DDIT4L: variants seen among roughly 807,000 people sequenced by gnomAD.
DDIT4L encodes the protein DNA damage-inducible transcript 4-like protein.
Under a neutral mutation model 15.9 loss-of-function variants are expected in DDIT4L, and 13 were observed. The ratio of observed to expected loss-of-function variants is 0.82; its 90% CI spans 0.53 to 1.30. DDIT4L has a LOEUF of 1.30. Ranked by LOEUF, DDIT4L falls within the 50% of genes most tolerant of loss-of-function variation. The probability of loss-of-function intolerance (pLI) is 0.00; values close to 1 mark genes in which losing one functional copy is unlikely to be tolerated. For synonymous variants in DDIT4L, 82 were observed against 85.4 expected, an observed-to-expected ratio of 0.96 and a Z score of 0.22; for missense variants, 235 against 224.8, an observed-to-expected ratio of 1.05 and a Z score of -0.29.
intron 2 of DDIT4L, 24 bp downstream of exon 2, chr4:100,189,869 A>C (rs369446753): frequency 4.7e-5 from 75 of 1,610,602 alleles, no homozygotes; most frequent in Non-Finnish European, 6.0e-5. Flanking sequence ...GGAGGGGAGA[A>C]GGGTGGACAG....
In DDIT4L at chr4:100,188,665, TAAAG is replaced by T. The variant is rs768926921; in HGVS notation, c.92-502_92-499del. 4.5e-4 allele frequency among the ~76,000 whole-genome samples: 69 copies of T among 152,204 alleles called. 1 individual carries two copies. The highest frequency in any genetic ancestry group is 7.4e-4 in the Non-Finnish European group (50 of 68,026). On this transcript the variant is annotated intron_variant, in intron 2 of 2. Transcript: ENST00000273990. ...CTGTAGGAATACATGTATTGTAAAA[TAAAG>T]AATTTTTACTATTATGTTTGAAGAG...
chr4:100,187,898 G>T lies in DDIT4L; in HGVS notation c.361C>A (p.Leu121Met). The T allele has an allele frequency of 2.5e-6, 4 of 1,613,988 alleles. No individual in the cohort carries two copies. The highest frequency in any genetic ancestry group is 3.4e-6 in the Non-Finnish European group (4 of 1,180,014). Reference sequence around the variant, plus strand: ...CTAGAATCACACACAATCCTATCCAGCTTTTTACATACATTTTCAATTTCC... The same window carrying T: ...CTAGAATCACACACAATCCTATCCATCTTTTTACATACATTTTCAATTTCC... ...NLEIENVCKKLDRIVCDSSVV... is the reference protein window; with the variant it reads ...NLEIENVCKKMDRIVCDSSVV... Residue 121 changes from leucine (L) to methionine (M), a missense_variant, in exon 3 of 3, where the codon CTG becomes ATG. By Grantham distance (15) the Leu-to-Met change is conservative. Transcript: ENST00000273990.
chr4:100,186,458 A>G lies in DDIT4L; in HGVS notation c.*1219T>C, dbSNP rs1458040326. 2.0e-5 allele frequency: 3 copies of G among 152,180 alleles called. No individual in the cohort carries two copies. The highest frequency in any genetic ancestry group is 4.4e-5 in the Non-Finnish European group (3 of 68,032). The allele number at this position is 152,180 out of a possible 1,614,324, so 9.4% of individuals were successfully genotyped here. A position where few individuals can be genotyped will look rare whatever the true frequency, so the allele number is the denominator to read the frequency against. ...GGAGGCTAAATTCTCTCATTAACAT[A>G]AAAAAGGAAAGAGATAATGATCTAC... On this transcript the variant is annotated 3_prime_UTR_variant, in exon 3 of 3. Coordinates refer to ENST00000273990, the MANE Select transcript of DDIT4L (RefSeq NM_145244.4).
At position 100,187,969 on chromosome 4, in the gene DDIT4L, G is replaced by A. The variant is rs1578321945; in HGVS notation, c.290C>T (p.Ser97Leu). 1 of 1,614,102 alleles carries A rather than the reference G, an allele frequency of 6.2e-7. No individual in the cohort carries two copies. The highest frequency in any genetic ancestry group is 8.5e-7 in the Non-Finnish European group (1 of 1,180,020). ...RIAQDVLRLS[S>L]TEPCGLRGCV... Reference sequence around the variant, plus strand: ...ACCTCGCAAGCCGCAGGGCTCCGTTGAGGAAAGCCGCAGGACATCTTGAGC... The same window carrying A: ...ACCTCGCAAGCCGCAGGGCTCCGTTAAGGAAAGCCGCAGGACATCTTGAGC... The change falls in exon 3 of 3, where the codon TCA (serine) becomes TTA (leucine). Residue 97 changes from serine to leucine, a missense_variant. Transcript: ENST00000273990.
At chr4:100,189,792 C>T (rs879013226) in intron 2 of DDIT4L, 101 bp downstream of exon 2, 1 of 1,076,570 alleles carries the variant, frequency 9.3e-7, no homozygotes, top group South Asian at 1.4e-5. Context: ...TGTGGCACCT[C>T]CTACATAGAG....
intron 2 of DDIT4L, among the ~76,000 whole-genome samples, chr4:100,189,505 G>A (rs1374707190): frequency 2.0e-5 from 3 of 152,200 alleles, no homozygotes; most frequent in African/African-American, 4.8e-5. Context: ...CAGATCAGTA[G>A]TTCCCTGGAG....
chr4:100,188,975 T>C (rs1723468466), intron 2 of DDIT4L, among the ~76,000 whole-genome samples: 1 of 152,242 alleles, frequency 6.6e-6, no homozygotes, highest in South Asian at 2.1e-4. Context: ...TCCTACCCCT[T>C]GGCAGGATGC....
intron 2 of DDIT4L, among the ~76,000 whole-genome samples, chr4:100,188,539 TTATGGGGG>T (rs1723462203): frequency 6.6e-6 from 1 of 152,228 alleles, no homozygotes; most frequent in South Asian, 2.1e-4. Flanking sequence ...TCCTACTTGC[TTATGGGGG>T]TTTTCTAATT....
Position 100,190,430 on chromosome 4 carries a change from C to G in DDIT4L, c.-177G>C, listed in dbSNP as rs1305781313. ...CCAGCAGCCAGCGGCACCCTGCTCACCCCTCCCGGGCCACCCTGCGCCGGC... is the reference window on the plus strand; with the variant it reads ...CCAGCAGCCAGCGGCACCCTGCTCAGCCCTCCCGGGCCACCCTGCGCCGGC... On this transcript the variant is annotated 5_prime_UTR_variant, in exon 1 of 3. Coordinates refer to ENST00000273990, the MANE Select transcript of DDIT4L (RefSeq NM_145244.4). 1 of 176,052 alleles carries G rather than the reference C, an allele frequency of 5.7e-6. No individual in the cohort carries two copies. Among genetic ancestry groups the G allele is most frequent in the East Asian group, 1.8e-4 (1 of 5,570 alleles). The allele number at this position is 176,052 out of a possible 1,614,324, so 10.9% of individuals were successfully genotyped here.
Position 100,187,646 on chromosome 4 carries a change from T to A in DDIT4L, c.*31A>T. On this transcript the variant is annotated 3_prime_UTR_variant, in exon 3 of 3. Transcript: ENST00000273990. ...CTAGCTGAATAGTTTTACTACCCAA[T>A]CATGAAATAATCTTTATATATTTTC... 4 of 1,563,962 alleles carry A rather than the reference T, an allele frequency of 2.6e-6. No homozygotes were observed. Among genetic ancestry groups the A allele is most frequent in the Non-Finnish European group, 3.4e-6 (4 of 1,165,668 alleles).
Position 100,187,044 on chromosome 4 carries a change from T to C in DDIT4L, c.*633A>G, listed in dbSNP as rs1369131417. 6.6e-6 allele frequency: 1 copy of C among 152,240 alleles called. No homozygotes were observed. The highest frequency in any genetic ancestry group is 1.5e-5 in the Non-Finnish European group (1 of 68,046). 9.4% of individuals were successfully genotyped at this position (152,240 alleles called of 1,614,324 possible). On this transcript the variant is annotated 3_prime_UTR_variant, in exon 3 of 3. Coordinates refer to ENST00000273990, the MANE Select transcript of DDIT4L (RefSeq NM_145244.4). ...ACTGAAATGGCACCACAAGCTTTTG[T>C]TGCCTCTTTAAAACATTAGAGTGAG...
chr4:100,190,225 C>A, intron 1 of DDIT4L, 78 bp downstream of exon 1: 2 of 511,078 alleles, frequency 3.9e-6, no homozygotes, highest in Non-Finnish European at 6.9e-6. Flanking sequence ...CTCAACAGTT[C>A]GCAAAACTTG....
chr4:100,190,039 A>C lies in DDIT4L; in HGVS notation c.-49-7T>G, dbSNP rs534989308. The stretch of plus-strand genomic sequence containing the variant: ...CAACGGCCTTTCCTGAGCGCTGGAA[A>C]AAATGAGGCGAGAAGAGACGGATTT... On this transcript the variant is annotated splice_polypyrimidine_tract_variant and splice_region_variant and intron_variant, in intron 1 of 2. Coordinates refer to ENST00000273990, the MANE Select transcript of DDIT4L (RefSeq NM_145244.4). 1 of 1,546,560 alleles carries C rather than the reference A, an allele frequency of 6.5e-7. No homozygotes were observed. Among genetic ancestry groups the C allele is most frequent in the African/African-American group, 1.4e-5 (1 of 73,428 alleles).
rs1480341679 is a variant in DDIT4L at position 100,187,945 on chromosome 4, C to T, written c.314G>A (p.Gly105Asp). 2 of 1,614,036 alleles carry T rather than the reference C, an allele frequency of 1.2e-6. No homozygotes were observed. Among genetic ancestry groups the T allele is most frequent in the South Asian group, 1.1e-5 (1 of 91,078 alleles). Residue 105 changes from glycine to aspartate, a missense_variant, in exon 3 of 3, where the codon GGT (glycine) becomes GAT (aspartate). Physicochemically the swap from Gly to Asp is moderately conservative, Grantham distance 94. Transcript: ENST00000273990. ...LSSTEPCGLR[G>D]CVMHVNLEIE... ...TTCCAAGTTCACGTGCATAACACAA[C>T]CTCGCAAGCCGCAGGGCTCCGTTGA...
At position 100,190,006 on chromosome 4, in the gene DDIT4L, G is replaced by T; in HGVS notation, c.-23C>A. The T allele has an allele frequency of 2.5e-6, 4 of 1,610,942 alleles. No homozygotes were observed. The highest frequency in any genetic ancestry group is 3.4e-6 in the Non-Finnish European group (4 of 1,177,388). On this transcript the variant is annotated 5_prime_UTR_variant, in exon 2 of 3. Coordinates refer to ENST00000273990, the MANE Select transcript of DDIT4L (RefSeq NM_145244.4). ...CATGGTCAACGGCTCTGTTTCCTTC[G>T]CGAGGCGCAACGGCCTTTCCTGAGC...
intron 1 of DDIT4L, 59 bp downstream of exon 1, chr4:100,190,244 C>T (rs3749602): frequency 0.021 from 9,894 of 477,004 alleles, 377 homozygotes; most frequent in East Asian, 0.15. Flanking sequence ...TGGAAGCGAC[C>T]TGCCCCGCGG....
Position 100,187,691 on chromosome 4 carries a change from T to C in DDIT4L, c.568A>G (p.Ile190Val). 6.3e-7 allele frequency: 1 copy of C among 1,589,630 alleles called. No homozygotes were observed. Among genetic ancestry groups the C allele is most frequent in the South Asian group, 1.2e-5 (1 of 85,294 alleles). Residue 190 changes from isoleucine (I) to valine (V), a missense_variant, in exon 3 of 3, where the codon ATT becomes GTT. Transcript: ENST00000273990. ...ATTTTCCCTTTTTAGGACCCTTCAA[T>C]CACTGTTGTTCCAATCAGTGAGTAA... ...KLYSLIGTTV[I>V]EGS
chr4:100,189,843 A>T, intron 2 of DDIT4L, 50 bp downstream of exon 2: 1 of 1,578,840 alleles, frequency 6.3e-7, no homozygotes, highest in East Asian at 2.3e-5. Flanking sequence ...CAATAGATCC[A>T]GAGGCACCGA....
At position 100,187,793 on chromosome 4, in the gene DDIT4L, T is replaced by C; in HGVS notation, c.466A>G (p.Ser156Gly). 6.2e-7 allele frequency: 1 copy of C among 1,613,362 alleles called. No homozygotes were observed. The highest frequency in any genetic ancestry group is 8.5e-7 in the Non-Finnish European group (1 of 1,179,876). ...AAACCAGAGGAGAAGCGACCTCTAC[T>C]AAAGAAAAAGTCCCTGAAGCTAGTC... ...SWTSFRDFFF[S>G]RGRFSSGFRR... The change falls in exon 3 of 3, where the codon AGT (serine) becomes GGT (glycine). Residue 156 changes from serine (S) to glycine (G), a missense_variant. Ser to Gly is a moderately conservative substitution (Grantham distance 56, BLOSUM62 0). Transcript: ENST00000273990.
Sources: gnomAD v4.1 joint callset for allele counts (sites outside exome capture counted in the v4.1 genomes callset) on GRCh38, gnomAD v4.1.1 for gene constraint, MANE v1.5 for transcripts, NCBI Gene and HGNC (gene_info 2026-07-23, HGNC 2026-07-21) for gene names.